XPNPEP3: variants seen among roughly 807,000 people sequenced by gnomAD.
XPNPEP3 encodes the protein X-prolyl aminopeptidase 3.
Under a neutral mutation model 60.0 loss-of-function variants are expected in XPNPEP3, and 41 were observed. The observed-to-expected ratio is 0.68, with a 90% CI of 0.53 to 0.89. XPNPEP3 has a LOEUF of 0.89. Ranked by LOEUF, XPNPEP3 falls within the 40% of genes least tolerant of loss-of-function variation. The probability of loss-of-function intolerance (pLI) is 0.00; values close to 1 mark genes in which losing one functional copy is unlikely to be tolerated. For synonymous variants in XPNPEP3, 212 were observed against 223.2 expected, an observed-to-expected ratio of 0.95 and a Z score of 0.45; for missense variants, 598 against 638.9, an observed-to-expected ratio of 0.94 and a Z score of 0.69.
chr22:40,926,202 C>G (rs145886125), intron 9 of XPNPEP3, 67 bp from the exon 10 acceptor site: 19,031 of 1,571,570 alleles, frequency 0.012, 128 homozygotes, highest in Non-Finnish European at 0.014. Context: ...CAGAGGTTAA[C>G]TTACTTGCCC....
chr22:40,890,049 T>A (rs900590341), intron 4 of XPNPEP3, among the ~76,000 whole-genome samples: 6 of 152,314 alleles, frequency 3.9e-5, no homozygotes, highest in Non-Finnish European at 8.8e-5. Flanking sequence ...TAAATATTCA[T>A]CAAGCCAATT....
rs202085447 is a variant in XPNPEP3 at position 40,913,385 on chromosome 22, C to T, written c.970-854C>T. Among the ~76,000 whole-genome samples, 23 of 149,062 alleles carry T rather than the reference C, an allele frequency of 1.5e-4. No individual in the cohort carries two copies. The East Asian group carries it at 3.6e-3, about 23-fold the overall frequency. ...CCTAGGAGGTGGAGGTTGCAGTGAG[C>T]TGAGATCACACCACTGCACTCCAGC... On this transcript the variant is annotated intron_variant, in intron 6 of 9. Coordinates refer to ENST00000357137, the MANE Select transcript of XPNPEP3 (RefSeq NM_022098.4).
chr22:40,868,536 C>T (rs1287916813), intron 1 of XPNPEP3, among the ~76,000 whole-genome samples: 1 of 152,000 alleles, frequency 6.6e-6, no homozygotes, highest in East Asian at 1.9e-4. Flanking sequence ...AACACAGAGT[C>T]TGACACAGAG....
At chr22:40,876,609 C>T (rs1167530042) in intron 2 of XPNPEP3, among the ~76,000 whole-genome samples, 1 of 152,152 alleles carries the variant, frequency 6.6e-6, no homozygotes, top group East Asian at 1.9e-4. Flanking sequence ...TCAGAATCCA[C>T]ACTTTCAACC....
At chr22:40,890,905 G>A (rs1157757593) in intron 4 of XPNPEP3, among the ~76,000 whole-genome samples, 1 of 152,048 alleles carries the variant, frequency 6.6e-6, no homozygotes, top group African/African-American at 2.4e-5. Context: ...AAATCGTGGT[G>A]TAATTATTTT....
chr22:40,883,494 G>A (rs1482883346), intron 3 of XPNPEP3, among the ~76,000 whole-genome samples: 2 of 152,082 alleles, frequency 1.3e-5, no homozygotes, highest in Non-Finnish European at 2.9e-5. Flanking sequence ...AGAATACTGG[G>A]ACTACCTGGG....
At chr22:40,885,109 AC>A (rs1304959052) in intron 3 of XPNPEP3, among the ~76,000 whole-genome samples, 1 of 152,148 alleles carries the variant, frequency 6.6e-6, no homozygotes, top group Non-Finnish European at 1.5e-5. Context: ...TATATTTAGA[AC>A]CATTTTTATT....
intron 4 of XPNPEP3, among the ~76,000 whole-genome samples, chr22:40,906,308 C>G (rs1320071324): frequency 1.3e-5 from 2 of 151,662 alleles, no homozygotes; most frequent in East Asian, 3.9e-4. Context: ...GTAGTCCCAG[C>G]TACTTAGGAG....
intron 1 of XPNPEP3, chr22:40,859,531 C>T (rs988430307): frequency 2.0e-5 from 3 of 151,992 alleles, no homozygotes; most frequent in Admixed American, 6.5e-5. Context: ...CTAAATATCA[C>T]ATCTTATATT....
intron 1 of XPNPEP3, among the ~76,000 whole-genome samples, chr22:40,857,987 ACTT>A (rs770358868): frequency 1.3e-5 from 2 of 152,236 alleles, no homozygotes; most frequent in Non-Finnish European, 2.9e-5. Context: ...AATTACATCG[ACTT>A]CTTACTATAA....
chr22:40,911,158 C>G (rs1300222842), intron 6 of XPNPEP3, among the ~76,000 whole-genome samples: 1 of 152,108 alleles, frequency 6.6e-6, no homozygotes, highest in Admixed American at 6.6e-5. Context: ...CTGCATTCTA[C>G]TTGGTACAAC....
chr22:40,900,981 T>C (rs2058130008), intron 4 of XPNPEP3, among the ~76,000 whole-genome samples: 1 of 151,044 alleles, frequency 6.6e-6, no homozygotes, highest in Admixed American at 6.6e-5. Flanking sequence ...GGAATGGGTG[T>C]GGTGGCTCAT....
In XPNPEP3 at chr22:40,873,670, G is replaced by A. The variant is rs563953079; in HGVS notation, c.181+4555G>A. On this transcript the variant is annotated intron_variant, in intron 2 of 9. Transcript: ENST00000357137. ...GACAGATGTCTGTAGTCCTAGCTAC[G>A]CCTATAATCCCAGCACTTTGGGAAG... Among the ~76,000 whole-genome samples the A allele has an allele frequency of 6.6e-5, 10 of 152,112 alleles. No individual in the cohort carries two copies. In the South Asian group the frequency reaches 8.3e-4, roughly 13 times the overall value.
chr22:40,887,234 A>G (rs1487990492), intron 4 of XPNPEP3, among the ~76,000 whole-genome samples: 1 of 152,194 alleles, frequency 6.6e-6, no homozygotes, highest in Non-Finnish European at 1.5e-5. Flanking sequence ...AAGGATATAT[A>G]TCACAGCCAA....
chr22:40,872,698 G>A (rs1485263133), intron 2 of XPNPEP3, among the ~76,000 whole-genome samples: 4 of 151,908 alleles, frequency 2.6e-5, no homozygotes, highest in Non-Finnish European at 4.4e-5. Context: ...TGATCCACCC[G>A]CCTCAGCCTC....
chr22:40,888,454 G>C (rs1419522031), intron 4 of XPNPEP3: 1 of 428,714 alleles, frequency 2.3e-6, no homozygotes, highest in Non-Finnish European at 4.7e-6. Flanking sequence ...GTGTTGTCCA[G>C]GCTAGTCTCG....
At chr22:40,900,994 C>A (rs111752968) in intron 4 of XPNPEP3, among the ~76,000 whole-genome samples, 1 of 151,744 alleles carries the variant, frequency 6.6e-6, no homozygotes, top group African/African-American at 2.4e-5. Context: ...TGGCTCATAC[C>A]TGTAATCCTT....
chr22:40,877,693 T>C (rs370619469), intron 2 of XPNPEP3, among the ~76,000 whole-genome samples: 2 of 152,302 alleles, frequency 1.3e-5, no homozygotes, highest in African/African-American at 4.8e-5. Flanking sequence ...CATCATAAAA[T>C]GCTGACTTTG....
At chr22:40,886,900 G>A (rs539747287) in intron 4 of XPNPEP3, among the ~76,000 whole-genome samples, 3 of 151,712 alleles carry the variant, frequency 2.0e-5, no homozygotes, top group East Asian at 1.9e-4. Context: ...TCTTGAGGTC[G>A]TATACCCAAT....
Sources: allele counts gnomAD v4.1 joint callset (sites outside exome capture counted in the v4.1 genomes callset), GRCh38; gene constraint gnomAD v4.1.1; transcripts MANE v1.5; gene names NCBI Gene and HGNC (gene_info 2026-07-23, HGNC 2026-07-21).